Variants in NEGR1 observed in about 807,000 individuals in gnomAD.
The protein encoded by NEGR1 is neuronal growth regulator 1, also known as IgLON family member 4.
NEGR1 carries 10 observed loss-of-function variants against 40.9 expected under a neutral mutation model. That is an observed-to-expected ratio of 0.24 (90% CI 0.15 to 0.42). NEGR1 has a LOEUF of 0.42. Ranked by LOEUF, NEGR1 falls within the 10% of genes least tolerant of loss-of-function variation. The pLI is 1.00. For missense variants in NEGR1, 352 were observed against 438.9 expected, an observed-to-expected ratio of 0.80 and a Z score of 1.77; for synonymous variants, 185 against 166.8, an observed-to-expected ratio of 1.11 and a Z score of -0.84.
intron 6 of NEGR1, among the ~76,000 whole-genome samples, chr1:71,455,641 C>T (rs919449622): frequency 4.6e-5 from 7 of 152,154 alleles, no homozygotes; most frequent in African/African-American, 1.4e-4. Context: ...AGGGGAATCG[C>T]TTGAACCCAG....
chr1:71,497,931 A>G (rs574324339), intron 6 of NEGR1, among the ~76,000 whole-genome samples: 22 of 152,204 alleles, frequency 1.4e-4, no homozygotes, highest in Admixed American at 9.8e-4. Flanking sequence ...TATTTTTAAA[A>G]GACATCATTT....
chr1:71,581,698 ATT>A (rs34224525), intron 6 of NEGR1, among the ~76,000 whole-genome samples: 2 of 143,282 alleles, frequency 1.4e-5, no homozygotes, highest in African/African-American at 5.1e-5. Context: ...ATTATACACA[ATT>A]TTTTTTTTTT....
intron 1 of NEGR1, among the ~76,000 whole-genome samples, chr1:72,253,210 C>T (rs981017053): frequency 6.6e-6 from 1 of 152,126 alleles, no homozygotes; most frequent in Admixed American, 6.6e-5. Context: ...GTCATCTCTT[C>T]CTATTGTCAA....
chr1:71,689,803 A>G (rs190725418), intron 4 of NEGR1, among the ~76,000 whole-genome samples: 8 of 151,202 alleles, frequency 5.3e-5, no homozygotes, highest in African/African-American at 1.9e-4. Flanking sequence ...AACATTAAAT[A>G]AATTTAATAT....
chr1:71,706,731 C>G (rs987567490), intron 3 of NEGR1, among the ~76,000 whole-genome samples: 1 of 151,858 alleles, frequency 6.6e-6, no homozygotes, highest in East Asian at 1.9e-4. Context: ...GATGACATTT[C>G]TAGACACACC....
At chr1:71,740,183 T>TTA (rs1158406629) in intron 3 of NEGR1, among the ~76,000 whole-genome samples, 9 of 152,202 alleles carry the variant, frequency 5.9e-5, no homozygotes, top group African/African-American at 2.2e-4. Flanking sequence ...TCCTAATATG[T>TTA]TATAAACTTT....
At position 72,039,563 on chromosome 1, in the gene NEGR1, A is replaced by G. The variant is rs75146580; in HGVS notation, c.177-104252T>C. On this transcript the variant is annotated intron_variant, in intron 1 of 6. Coordinates refer to ENST00000357731, the MANE Select transcript of NEGR1 (RefSeq NM_173808.3). Reference sequence around the variant, plus strand: ...AGAACCCTCCAAGTGTTGGAGAGAAAAAAACAACAAAATTATTTGTATTTC... The same window carrying G: ...AGAACCCTCCAAGTGTTGGAGAGAAGAAAACAACAAAATTATTTGTATTTC... Among the ~76,000 whole-genome samples the G allele has an allele frequency of 6.3e-3, 963 of 152,078 alleles. 15 individuals carry two copies. Among genetic ancestry groups the G allele is most frequent in the African/African-American group, 0.022 (920 of 41,540 alleles).
intron 4 of NEGR1, among the ~76,000 whole-genome samples, chr1:71,681,836 A>C (rs1207322266): frequency 1.3e-5 from 2 of 151,944 alleles, no homozygotes; most frequent in Admixed American, 6.6e-5. Flanking sequence ...CATTCCATTT[A>C]ATTTTTTTTA....
chr1:71,595,170 C>T (rs962798509), intron 5 of NEGR1, among the ~76,000 whole-genome samples: 1 of 152,192 alleles, frequency 6.6e-6, no homozygotes, highest in Non-Finnish European at 1.5e-5. Flanking sequence ...TGTGTGGGCC[C>T]ATTTTGGGCC....
chr1:71,845,680 G>C (rs1659381261), intron 2 of NEGR1, among the ~76,000 whole-genome samples: 1 of 152,006 alleles, frequency 6.6e-6, no homozygotes, highest in Non-Finnish European at 1.5e-5. Flanking sequence ...AGAGTAAGTT[G>C]ATCCAATTCA....
intron 1 of NEGR1, among the ~76,000 whole-genome samples, chr1:72,003,474 A>G (rs141044077): frequency 9.9e-5 from 15 of 152,280 alleles, no homozygotes; most frequent in African/African-American, 3.4e-4. Flanking sequence ...GCAGGATGGC[A>G]TAGCAAGTAA....
chr1:72,135,905 G>A (rs116508455), intron 1 of NEGR1, among the ~76,000 whole-genome samples: 2,561 of 152,256 alleles, frequency 0.017, 69 homozygotes, highest in African/African-American at 0.059. Context: ...CACATATAAT[G>A]TTCACAATAG....
At chr1:72,162,277 C>A (rs1344960823) in intron 1 of NEGR1, among the ~76,000 whole-genome samples, 1 of 48,402 alleles carries the variant, frequency 2.1e-5, no homozygotes, top group African/African-American at 8.5e-5. Context: ...CACAGTGAAA[C>A]CCTGCCTCTA....
chr1:71,689,046 C>G (rs1653163711), intron 4 of NEGR1, among the ~76,000 whole-genome samples: 1 of 152,154 alleles, frequency 6.6e-6, no homozygotes, highest in Non-Finnish European at 1.5e-5. Context: ...ATTGCATAAA[C>G]AGAATTTCTC....
chr1:72,038,195 T>C (rs946586660), intron 1 of NEGR1, among the ~76,000 whole-genome samples: 14 of 152,110 alleles, frequency 9.2e-5, no homozygotes, highest in African/African-American at 3.1e-4. Context: ...GTTATATCCA[T>C]GCTTTTGAAT....
chr1:71,624,306 T>C (rs1269359296), intron 4 of NEGR1, among the ~76,000 whole-genome samples: 1 of 152,022 alleles, frequency 6.6e-6, no homozygotes, highest in African/African-American at 2.4e-5. Flanking sequence ...CTAACATTAC[T>C]TCTTGCTTGA....
intron 2 of NEGR1, among the ~76,000 whole-genome samples, chr1:71,929,098 T>C (rs772409868): frequency 1.3e-5 from 2 of 152,090 alleles, no homozygotes; most frequent in Admixed American, 6.6e-5. Context: ...AGATAACAGG[T>C]ATTTATCATA....
At chr1:72,248,780 G>A (rs1416508801) in intron 1 of NEGR1, among the ~76,000 whole-genome samples, 1 of 151,104 alleles carries the variant, frequency 6.6e-6, no homozygotes, top group African/African-American at 2.4e-5. Flanking sequence ...ACATGGTTTC[G>A]CCATGTTGGC....
At chr1:71,617,284 G>C in intron 4 of NEGR1, among the ~76,000 whole-genome samples, 1 of 152,174 alleles carries the variant, frequency 6.6e-6, no homozygotes, top group East Asian at 1.9e-4. Flanking sequence ...TCCTCCTTTG[G>C]CTAGCACCAT....
Sources: gnomAD v4.1 joint callset for allele counts (sites outside exome capture counted in the v4.1 genomes callset) on GRCh38, gnomAD v4.1.1 for gene constraint, MANE v1.5 for transcripts, NCBI Gene and HGNC (gene_info 2026-07-23, HGNC 2026-07-21) for gene names.